Variants in CDK19 observed in about 807,000 individuals in gnomAD.
The protein encoded by CDK19 is cyclin dependent kinase 19, also known as cyclin-dependent kinase 19.
A neutral mutation model predicts 68.3 loss-of-function variants in CDK19; 20 were observed. The observed-to-expected ratio is 0.29, with a 90% CI of 0.21 to 0.43. CDK19 has a LOEUF of 0.43. Among genes scored for constraint, CDK19 ranks in the 20% least tolerant of loss-of-function variants. The probability of loss-of-function intolerance (pLI) is 1.00; values close to 1 mark genes in which losing one functional copy is unlikely to be tolerated. For missense variants in CDK19, 339 were observed against 623.5 expected (o/e 0.54, Z 4.86); for synonymous variants, 221 against 222.8 (o/e 0.99, Z 0.07).
rs1340694897 is a variant in CDK19, at chr6:110,687,474, G to C, written c.205-16933C>G. Among the ~76,000 whole-genome samples the C allele has an allele frequency of 2.0e-5, 3 of 152,164 alleles. No individual in the cohort carries two copies. The East Asian group carries it at 5.8e-4, about 29-fold the overall frequency. On this transcript the variant is annotated intron_variant, in intron 2 of 12. Transcript: ENST00000368911. ...ACAGGAATTTTAACAGTAGTAATAAGGAAAGCAGCTAAATGATCTGACCCA... is the reference window on the plus strand; with the variant it reads ...ACAGGAATTTTAACAGTAGTAATAACGAAAGCAGCTAAATGATCTGACCCA...
At chr6:110,741,764 T>C (rs1190308131) in intron 2 of CDK19, among the ~76,000 whole-genome samples, 1 of 151,870 alleles carries the variant, frequency 6.6e-6, no homozygotes, top group Non-Finnish European at 1.5e-5. Context: ...ACAGTCAAAG[T>C]GTGAAAGAAA....
chr6:110,615,715 A>C lies in CDK19; in HGVS notation c.1378-1049T>G, dbSNP rs1778269951. Among the ~76,000 whole-genome samples, 4 of 152,282 alleles carry C rather than the reference A, an allele frequency of 2.6e-5. No individual in the cohort carries two copies. In the South Asian group the frequency reaches 8.3e-4, roughly 32 times the overall value. ...ATCCCAAAACTAAACTGCCTTTATAAAACTACTAAAAGGCCACAAGTTTAG... is the reference window on the plus strand; with the variant it reads ...ATCCCAAAACTAAACTGCCTTTATACAACTACTAAAAGGCCACAAGTTTAG... On this transcript the variant is annotated intron_variant, in intron 12 of 12. Transcript: ENST00000368911.
At chr6:110,646,208 G>A (rs1438090905) in intron 4 of CDK19, 11 of 1,403,174 alleles carry the variant, frequency 7.8e-6, no homozygotes, top group African/African-American at 5.7e-5. Flanking sequence ...TCAGCAACTC[G>A]TCGGGGTCCG....
chr6:110,794,513 T>G lies in CDK19; in HGVS notation c.128+20496A>C, dbSNP rs901487299. ...GCCTCCCAGGTTCAAGTGATTCTCC[T>G]GCCTCAGCCTCCCGAGTAGCTGGGA... On this transcript the variant is annotated intron_variant, in intron 1 of 12. Coordinates refer to ENST00000368911, the MANE Select transcript of CDK19 (RefSeq NM_015076.5). 2.0e-5 allele frequency among the ~76,000 whole-genome samples: 3 copies of G among 151,488 alleles called. No homozygotes were observed. In the Admixed American group the frequency reaches 2.0e-4, roughly 10 times the overall value.
chr6:110,753,337 T>G (rs1465375872), intron 1 of CDK19, among the ~76,000 whole-genome samples: 2 of 152,172 alleles, frequency 1.3e-5, no homozygotes, highest in Non-Finnish European at 2.9e-5. Context: ...TTATAAAATT[T>G]TAGAAATCTC....
chr6:110,654,398 T>C (rs1427243285), intron 4 of CDK19, among the ~76,000 whole-genome samples: 1 of 152,206 alleles, frequency 6.6e-6, no homozygotes, highest in Non-Finnish European at 1.5e-5. Flanking sequence ...ACTTCATTGA[T>C]TAGATAGTAG....
intron 2 of CDK19, among the ~76,000 whole-genome samples, chr6:110,679,626 T>A (rs12177545): frequency 0.028 from 4,275 of 152,090 alleles, 84 homozygotes; most frequent in South Asian, 0.082. Context: ...ACATAAAAAA[T>A]TTTTTTAAAA....
In CDK19 at chr6:110,811,085, C is replaced by T. The variant is rs117911203; in HGVS notation, c.128+3924G>A. On this transcript the variant is annotated intron_variant, in intron 1 of 12. Transcript: ENST00000368911. ...GAGCATGACAGTTAACCTCTCAAAG[C>T]TCTAGGTTTCTCATTTGTAAAAAGA... 1.3e-3 allele frequency among the ~76,000 whole-genome samples: 192 copies of T among 152,246 alleles called. 2 individuals carry two copies. In the East Asian group the frequency reaches 0.023, roughly 18 times the overall value.
chr6:110,697,548 G>A lies in CDK19; in HGVS notation c.205-27007C>T, dbSNP rs545730016. Among the ~76,000 whole-genome samples, 12 of 152,188 alleles carry A rather than the reference G, an allele frequency of 7.9e-5. No individual in the cohort carries two copies. In the South Asian group the frequency reaches 2.1e-3, roughly 26 times the overall value. ...ATGGAAACACATCCCCTGCTTATGG[G>A]TGGGTAGAATCAATATTGTGTAGAT... On this transcript the variant is annotated intron_variant, in intron 2 of 12. Transcript: ENST00000368911.
intron 2 of CDK19, among the ~76,000 whole-genome samples, chr6:110,724,509 T>C (rs933571796): frequency 6.6e-6 from 1 of 152,166 alleles, no homozygotes; most frequent in Non-Finnish European, 1.5e-5. Context: ...GGAAAAGTTC[T>C]GGAGCAGAAT....
chr6:110,804,867 A>G (rs1279171124), intron 1 of CDK19, among the ~76,000 whole-genome samples: 1 of 151,698 alleles, frequency 6.6e-6, no homozygotes, highest in Non-Finnish European at 1.5e-5. Context: ...GAGGCAGTAG[A>G]ATGGCGTGAA....
intron 8 of CDK19, among the ~76,000 whole-genome samples, chr6:110,625,120 G>A (rs190652991): frequency 1.4e-3 from 214 of 152,120 alleles, no homozygotes; most frequent in Middle Eastern, 0.01. Flanking sequence ...GCCTTTTTTA[G>A]GTGCTCTAGA....
intron 1 of CDK19, among the ~76,000 whole-genome samples, chr6:110,774,555 A>G (rs1243129663): frequency 6.6e-6 from 1 of 152,220 alleles, no homozygotes; most frequent in Non-Finnish European, 1.5e-5. Context: ...CGAAATCTTT[A>G]TTTCTGGAAT....
chr6:110,740,502 C>G (rs1197299754), intron 2 of CDK19, among the ~76,000 whole-genome samples: 2 of 152,156 alleles, frequency 1.3e-5, no homozygotes, highest in African/African-American at 4.8e-5. Flanking sequence ...CGTGACATGA[C>G]ATTCTTTTTT....
At chr6:110,752,930 T>A (rs1778575263) in intron 1 of CDK19, among the ~76,000 whole-genome samples, 1 of 151,882 alleles carries the variant, frequency 6.6e-6, no homozygotes, top group Admixed American at 6.6e-5. Flanking sequence ...TGGTTTTTTA[T>A]TTGTTTGTTT....
rs568089064 is a variant in CDK19 at position 110,713,609 on chromosome 6, T to C, written c.204+32517A>G. Among the ~76,000 whole-genome samples, 9 of 152,286 alleles carry C rather than the reference T, an allele frequency of 5.9e-5. No individual in the cohort carries two copies. In the South Asian group the frequency reaches 1.9e-3, roughly 32 times the overall value. On this transcript the variant is annotated intron_variant, in intron 2 of 12. Transcript: ENST00000368911. ...ATGGGGTCTACTATGTTGCCCAGGC[T>C]GATTTCTATATATTTTCACCAAACA...
intron 1 of CDK19, among the ~76,000 whole-genome samples, chr6:110,749,631 A>T (rs1434006663): frequency 6.6e-6 from 1 of 151,894 alleles, no homozygotes; most frequent in African/African-American, 2.4e-5. Flanking sequence ...AAGTTCTAGG[A>T]TTACAGGCCT....
intron 2 of CDK19, among the ~76,000 whole-genome samples, chr6:110,741,878 A>T (rs983276497): frequency 1.3e-5 from 2 of 152,190 alleles, no homozygotes; most frequent in African/African-American, 4.8e-5. Flanking sequence ...CAGATACAAA[A>T]ACTGAAAGAA....
At chr6:110,681,836 C>T (rs753919554) in intron 2 of CDK19, among the ~76,000 whole-genome samples, 10 of 152,158 alleles carry the variant, frequency 6.6e-5, no homozygotes, top group African/African-American at 2.4e-4. Context: ...CCCACTGGAG[C>T]CTAATGAAGA....
Sources: gnomAD v4.1 joint callset for allele counts (sites outside exome capture counted in the v4.1 genomes callset) on GRCh38, gnomAD v4.1.1 for gene constraint, MANE v1.5 for transcripts, NCBI Gene and HGNC (gene_info 2026-07-23, HGNC 2026-07-21) for gene names.